TBC1D5: variants seen among roughly 807,000 people sequenced by gnomAD.
The protein encoded by TBC1D5 is TBC1 domain family, member 5.
TBC1D5 carries 75 observed loss-of-function variants against 100.3 expected under a neutral mutation model. The observed-to-expected ratio is 0.75, with a 90% confidence interval of 0.62 to 0.91. TBC1D5 has a LOEUF of 0.91. TBC1D5 is among the 40% of genes least tolerant of loss of function. The pLI, the probability that TBC1D5 is intolerant of heterozygous loss-of-function variation, is 0.00. For missense variants in TBC1D5, 910 were observed against 942.4 expected, an observed-to-expected ratio of 0.97 and a Z score of 0.45; for synonymous variants, 323 against 325.6, an observed-to-expected ratio of 0.99 and a Z score of 0.09.
intron 16 of TBC1D5, among the ~76,000 whole-genome samples, chr3:17,242,283 G>C (rs1183256113): frequency 1.3e-5 from 2 of 151,812 alleles, no homozygotes; most frequent in Non-Finnish European, 2.9e-5. Flanking sequence ...TTCTCTCCTG[G>C]ATCTAAATAT....
chr3:17,325,840 T>C (rs1256269058), intron 13 of TBC1D5, among the ~76,000 whole-genome samples: 1 of 152,162 alleles, frequency 6.6e-6, no homozygotes, highest in Non-Finnish European at 1.5e-5. Context: ...CGTACAAATG[T>C]ATGTGTCTGC....
intron 4 of TBC1D5, among the ~76,000 whole-genome samples, chr3:17,407,575 T>A (rs558367351): frequency 1.3e-5 from 2 of 152,294 alleles, no homozygotes; most frequent in South Asian, 4.1e-4. Flanking sequence ...AGACCCTACT[T>A]ATTTTGAGAA....
chr3:17,706,411 TCAA>T (rs770692017), intron 1 of TBC1D5, among the ~76,000 whole-genome samples: 1 of 138,228 alleles, frequency 7.2e-6, no homozygotes, highest in Non-Finnish European at 1.5e-5. Flanking sequence ...TCTCCTAGAA[TCAA>T]CTTTACTTAC....
chr3:17,711,309 T>G (rs1043154674), intron 1 of TBC1D5, among the ~76,000 whole-genome samples: 4 of 152,330 alleles, frequency 2.6e-5, no homozygotes, highest in African/African-American at 7.2e-5. Context: ...TATGAAGTAC[T>G]TGATACATGC....
In TBC1D5 at chr3:17,455,430, GTATGTGTGTGTATATATA is replaced by G. The variant is rs1229867661; in HGVS notation, c.98-26929_98-26912del. On this transcript the variant is annotated intron_variant, in intron 3 of 21. Transcript: ENST00000253692. ...TGTGTGTATATATGTATATATGTGTGTATGTGTGTGTATATATATATGTGTGTGTATATATATGTGTAT... is the reference window on the plus strand; with the variant it reads ...TGTGTGTATATATGTATATATGTGTGTATGTGTGTGTATATATATGTGTAT... Among the ~76,000 whole-genome samples the G allele has an allele frequency of 1.1e-3, 159 of 143,876 alleles. 2 individuals carry two copies. In the South Asian group the frequency reaches 0.018, roughly 16 times the overall value. The allele number at this position is 143,876 out of a possible 152,430, so 94.4% of individuals were successfully genotyped here.
intron 4 of TBC1D5, among the ~76,000 whole-genome samples, chr3:17,423,786 T>C (rs2094274937): frequency 6.6e-6 from 1 of 152,172 alleles, no homozygotes; most frequent in Non-Finnish European, 1.5e-5. Flanking sequence ...ACACATTTAA[T>C]TTAAAATAAT....
chr3:17,229,299 C>CA (rs2075208347), intron 17 of TBC1D5, among the ~76,000 whole-genome samples: 1 of 152,038 alleles, frequency 6.6e-6, no homozygotes, highest in African/African-American at 2.4e-5. Flanking sequence ...ACTTGAGTGA[C>CA]AGATAGCAAA....
At chr3:17,167,798 T>C in exon 20 of TBC1D5, 1 of 1,611,666 alleles carries the variant, frequency 6.2e-7, no homozygotes, top group Non-Finnish European at 8.5e-7. Context: ...TTTTTCCAAA[T>C]TTTCTTGTAA....
At chr3:17,258,548 T>C in exon 16 of TBC1D5, 1 of 1,612,890 alleles carries the variant, frequency 6.2e-7, no homozygotes, top group Non-Finnish European at 8.5e-7. Context: ...TTTGTAATAA[T>C]CTAAATTTGG....
rs13326791 is a variant in TBC1D5, at chr3:17,452,290, G to A, written c.98-23771C>T. On this transcript the variant is annotated intron_variant, in intron 3 of 21. Transcript: ENST00000253692. ...AACCAGAAAACAACAAAATGGCAGGGGTAAGTCCCTACTTATCAATAATAA... is the reference window on the plus strand; with the variant it reads ...AACCAGAAAACAACAAAATGGCAGGAGTAAGTCCCTACTTATCAATAATAA... 1.1e-3 allele frequency among the ~76,000 whole-genome samples: 167 copies of A among 152,000 alleles called. 1 individual carries two copies. The highest frequency in any genetic ancestry group is 3.8e-3 in the African/African-American group (158 of 41,464).
chr3:17,302,477 G>A (rs555966601), intron 14 of TBC1D5, among the ~76,000 whole-genome samples: 1 of 146,290 alleles, frequency 6.8e-6, no homozygotes, highest in African/African-American at 2.8e-5. Context: ...CTTTTGTTGA[G>A]GGGGGGGATA....
At chr3:17,251,940 G>C (rs984496114) in intron 16 of TBC1D5, among the ~76,000 whole-genome samples, 3 of 152,198 alleles carry the variant, frequency 2.0e-5, no homozygotes, top group African/African-American at 7.2e-5. Context: ...TTAAGAATCT[G>C]TGACTACTGA....
chr3:17,566,477 T>C (rs562949494), intron 2 of TBC1D5, among the ~76,000 whole-genome samples: 2 of 152,028 alleles, frequency 1.3e-5, no homozygotes, highest in Admixed American at 1.3e-4. Flanking sequence ...CTGGAGCAAA[T>C]CTTGAAATTA....
intron 7 of TBC1D5, 51 bp downstream of exon 7, chr3:17,404,643 C>T (rs1416670953): frequency 6.6e-7 from 1 of 1,505,218 alleles, no homozygotes; most frequent in Non-Finnish European, 8.9e-7. Flanking sequence ...GTCATATAAA[C>T]ATATTCTTAG....
intron 3 of TBC1D5, among the ~76,000 whole-genome samples, chr3:17,451,342 A>C (rs2094922796): frequency 6.6e-6 from 1 of 152,176 alleles, no homozygotes; most frequent in East Asian, 1.9e-4. Context: ...AATAACCAGG[A>C]TATGAACAGA....
At chr3:17,158,515 T>C (rs1238133561) in exon 22 of TBC1D5, 1 of 152,178 alleles carries the variant, frequency 6.6e-6, no homozygotes, top group Non-Finnish European at 1.5e-5. Context: ...AGTAATACAA[T>C]TGTCTGAGTA....
At chr3:17,612,095 T>C (rs555259738) in intron 2 of TBC1D5, among the ~76,000 whole-genome samples, 3 of 151,282 alleles carry the variant, frequency 2.0e-5, no homozygotes, top group Non-Finnish European at 2.9e-5. Context: ...AGCCCAGGAG[T>C]AGGAGACCAG....
At chr3:17,665,639 T>A (rs2067177348) in intron 1 of TBC1D5, among the ~76,000 whole-genome samples, 2 of 152,210 alleles carry the variant, frequency 1.3e-5, no homozygotes, top group African/African-American at 2.4e-5. Flanking sequence ...TTTCAATGGT[T>A]TTCCTACAAT....
chr3:17,425,584 G>A (rs1365352946), intron 4 of TBC1D5, among the ~76,000 whole-genome samples: 1 of 152,148 alleles, frequency 6.6e-6, no homozygotes, highest in Non-Finnish European at 1.5e-5. Flanking sequence ...AGCCGAGATA[G>A]TGCCACTGTA....
Sources: allele counts gnomAD v4.1 joint callset (sites outside exome capture counted in the v4.1 genomes callset), GRCh38; gene constraint gnomAD v4.1.1; transcripts MANE v1.5; gene names NCBI Gene and HGNC (gene_info 2026-07-23, HGNC 2026-07-21).